SCUBE3: variants seen among roughly 807,000 people sequenced by gnomAD.
The protein encoded by SCUBE3 is signal peptide, CUB domain and EGF like domain containing 3, also known as signal peptide, CUB and EGF-like domain-containing protein 3.
A neutral mutation model predicts 116.8 loss-of-function variants in SCUBE3; 33 were observed. The ratio of observed to expected loss-of-function variants is 0.28; its 90% confidence interval spans 0.21 to 0.38. The LOEUF (loss-of-function observed/expected upper bound fraction) is 0.38. SCUBE3 is among the 10% of genes least tolerant of loss of function. The pLI is 1.00. For missense variants in SCUBE3, 1,007 were observed against 1,324.8 expected (o/e 0.76, Z 3.72); for synonymous variants, 418 against 496.9 (o/e 0.84, Z 2.11).
In SCUBE3 at chr6:35,239,407, G is replaced by C. The variant is rs1401868786; in HGVS notation, c.830-345G>C. On this transcript the variant is annotated intron_variant, in intron 7 of 21. Coordinates refer to ENST00000274938, the MANE Select transcript of SCUBE3 (RefSeq NM_152753.4). This position sits in a 1 kb window ranked among gnomAD's most constrained non-coding sequence, Gnocchi z 4.1. ...GGAATGGCCATCAGCTGGAGACTAA[G>C]GGCTAGCCTGTTAGGTCAAATGCCC... 6.7e-6 allele frequency among the ~76,000 whole-genome samples: 1 copy of C among 149,716 alleles called. No homozygotes were observed. Among genetic ancestry groups the C allele is most frequent in the East Asian group, 2.0e-4 (1 of 5,046 alleles).
intron 1 of SCUBE3, 147 bp from the exon 2 acceptor site, chr6:35,227,431 CAG>C (rs1270523096): frequency 2.7e-6 from 2 of 749,440 alleles, no homozygotes; most frequent in Non-Finnish European, 4.4e-6. Context: ...ACTCTGAAAT[CAG>C]AGAGATGTGA....
chr6:35,244,707 C>T lies in SCUBE3; in HGVS notation c.2297C>T (p.Ala766Val). The T allele has an allele frequency of 6.2e-7, 1 of 1,614,104 alleles. No homozygotes were observed. The highest frequency in any genetic ancestry group is 8.5e-7 in the Non-Finnish European group (1 of 1,179,900). The change falls in exon 18 of 22, where the codon GCC becomes GTC. Residue 766 changes from alanine to valine, a missense_variant. Ala to Val is a moderately conservative substitution (Grantham distance 64). Coordinates refer to ENST00000274938, the MANE Select transcript of SCUBE3 (RefSeq NM_152753.4). This position sits in a 1 kb window ranked among gnomAD's most constrained non-coding sequence, Gnocchi z 4.3. ...AGCATCCACCGCTGTATTCGCTGTG[C>T]CATGGGCTCCTATCAGCCCGACTTC... Reference protein sequence around the residue: ...NTSIHRCIRCAMGSYQPDFRQ... With the variant: ...NTSIHRCIRCVMGSYQPDFRQ...
chr6:35,215,833 C>G (rs1220098513), intron 1 of SCUBE3, among the ~76,000 whole-genome samples: 1 of 152,190 alleles, frequency 6.6e-6, no homozygotes, highest in Admixed American at 6.5e-5. Context: ...ACCCTGCCCC[C>G]ACACCTTCCA....
chr6:35,220,361 G>A (rs1783074778), intron 1 of SCUBE3: 1 of 152,180 alleles, frequency 6.6e-6, no homozygotes, highest in Non-Finnish European at 1.5e-5. Flanking sequence ...TGTACACTTA[G>A]TGAAATTATA....
rs1479674717 is a variant in SCUBE3, at chr6:35,248,694, C to A, written c.2971C>A (p.Pro991Thr). The A allele has an allele frequency of 2.5e-6, 4 of 1,613,996 alleles. No individual in the cohort carries two copies. The highest frequency in any genetic ancestry group is 3.4e-6 in the Non-Finnish European group (4 of 1,179,950). Residue 991 changes from proline (P) to threonine (T), a missense_variant, in exon 22 of 22, where the codon CCC becomes ACC. Physicochemically the swap from Pro to Thr is conservative, Grantham distance 38. Transcript: ENST00000274938. The part of the protein sequence containing the change: ...LRSKVSSFLR[P>T]YK ...CTCCAAAGTTTCCAGCTTCCTGAGG[C>A]CCTACAAATAGTAACCCTAGGCTCA...
rs1396103781 is a variant in SCUBE3 at position 35,241,827 on chromosome 6, T to C, written c.1334T>C (p.Val445Ala). The C allele has an allele frequency of 6.2e-7, 1 of 1,613,288 alleles. No homozygotes were observed. ...TCAGAGTCTGAGAATGGCTTCACGG[T>C]GAGCTGTGGGACCCCCAGCCCCAGG... ...FLPESENGFT[V>A]SCGTPSPRAA... The change falls in exon 12 of 22, where the codon GTG (valine) becomes GCG (alanine). Residue 445 changes from valine (V) to alanine (A), a missense_variant. By Grantham distance (64) the Val-to-Ala change is moderately conservative. This residue lies in a region of SCUBE3 where 544 missense variants were observed against 638.9 expected (regional missense o/e 0.85). Coordinates refer to ENST00000274938, the MANE Select transcript of SCUBE3 (RefSeq NM_152753.4). This position sits in a 1 kb window ranked among gnomAD's most constrained non-coding sequence, Gnocchi z 4.1.
chr6:35,226,875 T>G (rs1029056757), intron 1 of SCUBE3, among the ~76,000 whole-genome samples: 2 of 152,180 alleles, frequency 1.3e-5, no homozygotes, highest in African/African-American at 4.8e-5. Context: ...TTGTTAGAGC[T>G]AGGGCCAGGA....
In SCUBE3 at chr6:35,251,150, CTTT is replaced by C. The variant is rs66748362; in HGVS notation, c.*2464_*2466del. ...CTAGGATAACTTTCTTTCTTTCTTT[CTTT>C]TTTTTTTTTTTTTTTTTTGAGATGG... On this transcript the variant is annotated 3_prime_UTR_variant, in exon 22 of 22. Coordinates refer to ENST00000274938, the MANE Select transcript of SCUBE3 (RefSeq NM_152753.4). 8.3e-5 allele frequency: 7 copies of C among 84,408 alleles called. No individual in the cohort carries two copies. Among genetic ancestry groups the C allele is most frequent in the Non-Finnish European group, 9.8e-5 (4 of 40,684 alleles). 5.2% of individuals were successfully genotyped at this position (84,408 alleles called of 1,614,324 possible). A position where few individuals can be genotyped will look rare whatever the true frequency, so the allele number is the denominator to read the frequency against.
chr6:35,237,580 G>GC (rs1009080492), intron 6 of SCUBE3, among the ~76,000 whole-genome samples: 2 of 150,770 alleles, frequency 1.3e-5, no homozygotes, highest in Admixed American at 6.6e-5. Flanking sequence ...CCTCCCTACT[G>GC]CCCCCCGCCC....
chr6:35,236,350 C>T (rs752731853), intron 6 of SCUBE3, among the ~76,000 whole-genome samples: 23 of 152,204 alleles, frequency 1.5e-4, no homozygotes, highest in African/African-American at 4.8e-5. Context: ...TCTGCTATTC[C>T]GTATCCTACA....
At position 35,235,967 on chromosome 6, in the gene SCUBE3, C is replaced by T. The variant is rs2150303165; in HGVS notation, c.713-1935C>T. 6.6e-6 allele frequency among the ~76,000 whole-genome samples: 1 copy of T among 152,260 alleles called. No homozygotes were observed. The highest frequency in any genetic ancestry group is 1.9e-4 in the East Asian group (1 of 5,166). On this transcript the variant is annotated intron_variant, in intron 6 of 21. Transcript: ENST00000274938. This position sits in a 1 kb window ranked among gnomAD's most constrained non-coding sequence, Gnocchi z 4.5. ...TCCCAGCATCACTCACCATTCTCTC[C>T]TACCGTAATGGCTAAGAGCATGGCA...
chr6:35,247,614 CT>C (rs1386659565), intron 21 of SCUBE3, among the ~76,000 whole-genome samples: 1 of 152,158 alleles, frequency 6.6e-6, no homozygotes. Context: ...TTTAATAATA[CT>C]TTTCAAACAT....
At chr6:35,216,470 T>A (rs950563665) in intron 1 of SCUBE3, among the ~76,000 whole-genome samples, 1 of 152,208 alleles carries the variant, frequency 6.6e-6, no homozygotes, top group South Asian at 2.1e-4. Context: ...AAGCCTTTCA[T>A]TGACCCTTCT....
At position 35,214,542 on chromosome 6, in the gene SCUBE3, G is replaced by A; in HGVS notation, c.85+39G>A. ...GGCGCGCGGCCTGGGGGCTGTCCTG[G>A]CTGCTGGGCCTCAGGGCCTAGGAGC... On this transcript the variant is annotated intron_variant, in intron 1 of 21. Transcript: ENST00000274938. This position sits in a 1 kb window ranked among gnomAD's most constrained non-coding sequence, Gnocchi z 6.3. 7.5e-7 allele frequency: 1 copy of A among 1,339,918 alleles called. No homozygotes were observed. The highest frequency in any genetic ancestry group is 9.9e-7 in the Non-Finnish European group (1 of 1,009,752). The allele number at this position is 1,339,918 out of a possible 1,614,324, so 83.0% of individuals were successfully genotyped here. A position where few individuals can be genotyped will look rare whatever the true frequency, so the allele number is the denominator to read the frequency against.
At position 35,214,455 on chromosome 6, in the gene SCUBE3, G is replaced by A; in HGVS notation, c.37G>A (p.Val13Ile). 6.6e-7 allele frequency: 1 copy of A among 1,507,746 alleles called. No individual in the cohort carries two copies. Among genetic ancestry groups the A allele is most frequent in the Non-Finnish European group, 8.8e-7 (1 of 1,133,322 alleles). The allele number at this position is 1,507,746 out of a possible 1,614,324, so 93.4% of individuals were successfully genotyped here. Residue 13 changes from valine (V) to isoleucine (I), a missense_variant, in exon 1 of 22, where the codon GTC becomes ATC. Physicochemically the swap from Val to Ile is conservative, Grantham distance 29. Transcript: ENST00000274938. This position sits in a 1 kb window ranked among gnomAD's most constrained non-coding sequence, Gnocchi z 6.3. ...GCGCGTACCCGGGCTCTGCCTGCTT[G>A]TCCTGCTGGTCCACGCCCGCGCCGC... ...SGRVPGLCLLVLLVHARAAQY... is the reference protein window; with the variant it reads ...SGRVPGLCLLILLVHARAAQY...
chr6:35,240,581 T>C lies in SCUBE3; in HGVS notation c.1069+91T>C, dbSNP rs1783993969. 1 of 636,564 alleles carries C rather than the reference T, an allele frequency of 1.6e-6. No homozygotes were observed. Among genetic ancestry groups the C allele is most frequent in the Admixed American group, 2.7e-5 (1 of 37,520 alleles). The allele number at this position is 636,564 out of a possible 1,614,324, so 39.4% of individuals were successfully genotyped here. A position where few individuals can be genotyped will look rare whatever the true frequency, so the allele number is the denominator to read the frequency against. ...AGGTCCTTGTGTTGGCTTGTGGCTA[T>C]GGGCAATCCCTGGATGCATGCACCA... On this transcript the variant is annotated intron_variant, in intron 9 of 21. Coordinates refer to ENST00000274938, the MANE Select transcript of SCUBE3 (RefSeq NM_152753.4). The surrounding 1 kb of genome is among the most constrained non-coding windows in gnomAD (Gnocchi z 4.6).
chr6:35,243,150 C>T lies in SCUBE3; in HGVS notation c.1823C>T (p.Ala608Val), dbSNP rs1356689419. 1 of 1,614,202 alleles carries T rather than the reference C, an allele frequency of 6.2e-7. No individual in the cohort carries two copies. Among genetic ancestry groups the T allele is most frequent in the Non-Finnish European group, 8.5e-7 (1 of 1,180,018 alleles). ...LRLAGLDYEL[A>V]HKPGLVAGER... ...CTGGCAGGCCTTGATTATGAGCTGG[C>T]CCACAAGCCGGGCCTGGTAGCCGGG... The change falls in exon 15 of 22, where the codon GCC becomes GTC. Residue 608 changes from alanine (A) to valine (V), a missense_variant. Ala to Val is a moderately conservative substitution (Grantham distance 64). Coordinates refer to ENST00000274938, the MANE Select transcript of SCUBE3 (RefSeq NM_152753.4). This position sits in a 1 kb window ranked among gnomAD's most constrained non-coding sequence, Gnocchi z 6.6.
chr6:35,223,530 C>T (rs1581913083), intron 1 of SCUBE3: 1 of 152,372 alleles, frequency 6.6e-6, no homozygotes, highest in East Asian at 1.9e-4. Flanking sequence ...AGATAGTAGC[C>T]ACAGCCTCAC....
Position 35,228,852 on chromosome 6 carries a change from C to A in SCUBE3, c.334+113C>A. The A allele has an allele frequency of 8.8e-7, 1 of 1,133,300 alleles. No homozygotes were observed. The highest frequency in any genetic ancestry group is 1.4e-5 in the South Asian group (1 of 72,960). 70.2% of individuals were successfully genotyped at this position (1,133,300 alleles called of 1,614,324 possible). A position where few individuals can be genotyped will look rare whatever the true frequency, so the allele number is the denominator to read the frequency against. ...GAGAGTGATCAAGAAGAGCTACATT[C>A]ACAAGAGAATAAGGTCAGCCTCCCC... is the stretch of plus-strand genomic sequence containing the variant. On this transcript the variant is annotated intron_variant, in intron 3 of 21. Coordinates refer to ENST00000274938, the MANE Select transcript of SCUBE3 (RefSeq NM_152753.4). The surrounding 1 kb of genome is among the most constrained non-coding windows in gnomAD (Gnocchi z 4.9).
Sources: allele counts gnomAD v4.1 joint callset (sites outside exome capture counted in the v4.1 genomes callset), GRCh38; gene constraint gnomAD v4.1.1; regional missense constraint gnomAD v4.1.1; non-coding constraint Gnocchi (gnomAD v3.1); transcripts MANE v1.5; gene names NCBI Gene and HGNC (gene_info 2026-07-23, HGNC 2026-07-21).